Variants in DNAI3 observed in about 807,000 individuals in gnomAD.
DNAI3 encodes dynein axonemal intermediate chain 3, also known as WD repeat domain 63.
A neutral mutation model predicts 115.5 loss-of-function variants in DNAI3; 83 were observed. The ratio of observed to expected loss-of-function variants is 0.72; its 90% CI spans 0.60 to 0.86. The LOEUF is 0.86. Among genes scored for constraint, DNAI3 ranks in the 40% least tolerant of loss-of-function variants. The pLI, the probability that DNAI3 is intolerant of heterozygous loss-of-function variation, is 0.00. For missense variants in DNAI3, 1,004 were observed against 1,075.8 expected (o/e 0.93, Z 0.93); for synonymous variants, 320 against 347.0 (o/e 0.92, Z 0.86).
chr1:85,071,068 T>G (rs1049707912), intron 1 of DNAI3, among the ~76,000 whole-genome samples: 24 of 152,256 alleles, frequency 1.6e-4, no homozygotes, highest in Non-Finnish European at 7.3e-5. Flanking sequence ...CAGAGATGAT[T>G]GAGTTGATTG....
intron 1 of DNAI3, among the ~76,000 whole-genome samples, chr1:85,070,019 T>C (rs578018335): frequency 6.6e-6 from 1 of 152,166 alleles, no homozygotes; most frequent in Admixed American, 6.5e-5. Flanking sequence ...TCCCAGCACT[T>C]TGGGAGGCCG....
chr1:85,099,477 G>A (rs544592067), intron 13 of DNAI3: 7 of 158,434 alleles, frequency 4.4e-5, no homozygotes, highest in African/African-American at 1.7e-4. Flanking sequence ...AAATAAAAGA[G>A]GATACAAACA....
In DNAI3 at chr1:85,124,167, C is replaced by T. The variant is rs566559609; in HGVS notation, c.2028C>T (p.His676=). 9.3e-6 allele frequency: 15 copies of T among 1,614,212 alleles called. No homozygotes were observed. The highest frequency in any genetic ancestry group is 1.2e-5 in the Non-Finnish European group (14 of 1,180,038). ...SHHTIHDGTV[H]TIQRSPFYND... The stretch of plus-strand genomic sequence containing the variant: ...ACACCATTCACGACGGAACTGTCCA[C>T]ACTATTCAGAGATCACCTTTCTACA... Residue 676 remains histidine (H), a synonymous_variant, in exon 19 of 23, where the codon CAC becomes CAT. Coordinates refer to ENST00000294664, the MANE Select transcript of DNAI3 (RefSeq NM_145172.5).
Position 85,084,599 on chromosome 1 carries a change from T to A in DNAI3, c.444T>A (p.Asp148Glu). ...AATATAAAGAACATATTCCTGAAGA[T>A]GTGTATATTTATAAACCACCTGTCT... is the stretch of plus-strand genomic sequence containing the variant. ...QEEYKEHIPEDVYIYKPPVSK... is the reference protein window; with the variant it reads ...QEEYKEHIPEEVYIYKPPVSK... The change falls in exon 6 of 23, where the codon GAT becomes GAA. Residue 148 changes from aspartate to glutamate, a missense_variant. Physicochemically the swap from Asp to Glu is conservative, Grantham distance 45 (BLOSUM62 2). Transcript: ENST00000294664. 6.4e-7 allele frequency: 1 copy of A among 1,565,794 alleles called. No individual in the cohort carries two copies. The highest frequency in any genetic ancestry group is 8.6e-7 in the Non-Finnish European group (1 of 1,157,958).
chr1:85,128,519 CA>C (rs1318981737), intron 20 of DNAI3, among the ~76,000 whole-genome samples, 188 bp from the exon 21 acceptor site: 13 of 152,180 alleles, frequency 8.5e-5, no homozygotes, highest in African/African-American at 3.1e-4. Context: ...TTCATTTCAT[CA>C]GCTGGAAAAA....
intron 18 of DNAI3, 110 bp downstream of exon 18, chr1:85,121,924 G>A (rs750353966): frequency 4.5e-5 from 51 of 1,126,762 alleles, no homozygotes; most frequent in Middle Eastern, 2.0e-4. Context: ...TGGGAGGGAA[G>A]GCTCCTAAGG....
At chr1:85,100,519 T>C (rs540407353) in intron 13 of DNAI3, among the ~76,000 whole-genome samples, 106 of 152,284 alleles carry the variant, frequency 7.0e-4, no homozygotes, top group Middle Eastern at 6.8e-3. Flanking sequence ...TTTTACACTG[T>C]TGGTGGGACT....
intron 16 of DNAI3, among the ~76,000 whole-genome samples, chr1:85,113,261 T>C (rs1345708414): frequency 6.6e-6 from 1 of 152,206 alleles, no homozygotes; most frequent in East Asian, 1.9e-4. Context: ...TTTATTCTTT[T>C]GTGGATCATG....
intron 3 of DNAI3, among the ~76,000 whole-genome samples, chr1:85,076,692 G>A (rs146082447): frequency 1.3e-3 from 196 of 152,224 alleles, no homozygotes; most frequent in African/African-American, 4.4e-3. Flanking sequence ...AGAACAGCAC[G>A]GGAAAGACCT....
chr1:85,075,295 G>A (rs907911511), intron 3 of DNAI3, among the ~76,000 whole-genome samples: 1 of 152,138 alleles, frequency 6.6e-6, no homozygotes, highest in African/African-American at 2.4e-5. Context: ...TGGGTGCTCA[G>A]TAAATATTTC....
At position 85,128,812 on chromosome 1, in the gene DNAI3, C is replaced by A; in HGVS notation, c.2409+13C>A. ...TTCCACCAATGAGGTTAGTAACTAA[C>A]TTATGACTTTGAGAATTAATGTGAC... On this transcript the variant is annotated intron_variant, in intron 21 of 22. Coordinates refer to ENST00000294664, the MANE Select transcript of DNAI3 (RefSeq NM_145172.5). The A allele has an allele frequency of 1.9e-6, 3 of 1,600,774 alleles. No homozygotes were observed. Among genetic ancestry groups the A allele is most frequent in the Non-Finnish European group, 2.6e-6 (3 of 1,171,000 alleles).
intron 19 of DNAI3, among the ~76,000 whole-genome samples, chr1:85,124,517 C>T (rs1656076080): frequency 6.6e-6 from 1 of 152,094 alleles, no homozygotes; most frequent in South Asian, 2.1e-4. Flanking sequence ...CTACTGTGGG[C>T]AGTTGACTTC....
In DNAI3 at chr1:85,073,670, A is replaced by G. The variant is rs1188848987; in HGVS notation, c.103+578A>G. ...TGAGGGGGGCAAGGAGGAAGACCTAAAAGCCCTGTAGGCCACTGTAAAGAT... is the reference window on the plus strand; with the variant it reads ...TGAGGGGGGCAAGGAGGAAGACCTAGAAGCCCTGTAGGCCACTGTAAAGAT... On this transcript the variant is annotated intron_variant, in intron 3 of 22. Coordinates refer to ENST00000294664, the MANE Select transcript of DNAI3 (RefSeq NM_145172.5). Among the ~76,000 whole-genome samples the G allele has an allele frequency of 4.6e-5, 7 of 152,326 alleles. No individual in the cohort carries two copies. In the East Asian group the frequency reaches 1.2e-3, roughly 25 times the overall value.
At chr1:85,117,619 A>C (rs1557724418) in intron 16 of DNAI3, 110 bp from the exon 17 acceptor site, 2 of 1,437,216 alleles carry the variant, frequency 1.4e-6, no homozygotes, top group Non-Finnish European at 1.9e-6. Flanking sequence ...TACATTGGGA[A>C]GGGAATGGGG....
In DNAI3 at chr1:85,097,619, G is replaced by A. The variant is rs541684522; in HGVS notation, c.1314G>A (p.Lys438=). 8 of 1,612,818 alleles carry A rather than the reference G, an allele frequency of 5.0e-6. No individual in the cohort carries two copies. In the South Asian group the frequency reaches 8.8e-5, roughly 18 times the overall value. The change falls in exon 12 of 23, where the codon AAG becomes AAA. Residue 438 remains lysine (K), a synonymous_variant. Transcript: ENST00000294664. Reference sequence around the variant, plus strand: ...ATGCAGATCGCATAGAAAACATTAAGGCAGGTGGTAGTAGAAGTAAAAGAG... The same window carrying A: ...ATGCAGATCGCATAGAAAACATTAAAGCAGGTGGTAGTAGAAGTAAAAGAG... ...TAHADRIENI[K]AGGSRSKRAT...
At chr1:85,065,810 CAATTT>C (rs1654080751) in intron 1 of DNAI3, among the ~76,000 whole-genome samples, 1 of 152,166 alleles carries the variant, frequency 6.6e-6, no homozygotes, top group Admixed American at 6.5e-5. Context: ...TGTATTATGA[CAATTT>C]AATTTATGTT....
intron 3 of DNAI3, among the ~76,000 whole-genome samples, chr1:85,078,018 T>C (rs1377996955): frequency 6.6e-6 from 1 of 152,152 alleles, no homozygotes; most frequent in Non-Finnish European, 1.5e-5. Flanking sequence ...GAGGCATGAA[T>C]TGTGTAGAGC....
chr1:85,087,853 A>G (rs960062316), intron 7 of DNAI3, among the ~76,000 whole-genome samples: 2 of 152,182 alleles, frequency 1.3e-5, no homozygotes, highest in African/African-American at 2.4e-5. Context: ...GCAATACAGA[A>G]GATACTTTTC....
At chr1:85,087,160 G>A (rs1175390631) in intron 7 of DNAI3, among the ~76,000 whole-genome samples, 2 of 151,994 alleles carry the variant, frequency 1.3e-5, no homozygotes, top group African/African-American at 2.4e-5. Context: ...CAACTTGGCC[G>A]GGCACCGTGA....
Sources: allele counts gnomAD v4.1 joint callset (sites outside exome capture counted in the v4.1 genomes callset), GRCh38; gene constraint gnomAD v4.1.1; transcripts MANE v1.5; gene names NCBI Gene and HGNC (gene_info 2026-07-23, HGNC 2026-07-21).